Variants in LINC00632 observed in about 807,000 individuals in gnomAD.
The protein encoded by LINC00632 is ALDOA related specific transcript.
At chrX:140,761,485 G>A (rs1487690366) in intron 3 of LINC00632, among the ~76,000 whole-genome samples, 1 of 112,485 alleles carries the variant, frequency 8.9e-6, no homozygotes, top group Non-Finnish European at 1.9e-5. Flanking sequence ...ACCTCTTCTT[G>A]AGAACTCTGT....
At chrX:140,773,514 C>G (rs1307686007) in exon 4 of LINC00632, among the ~76,000 whole-genome samples, 1 of 112,348 alleles carries the variant, frequency 8.9e-6, no homozygotes, top group African/African-American at 3.2e-5. Context: ...TTTACAGATT[C>G]CAAAATTGTT....
chrX:140,744,882 T>G (rs912141710), intron 3 of LINC00632, among the ~76,000 whole-genome samples: 10 of 110,647 alleles, frequency 9.0e-5, no homozygotes, highest in Admixed American at 1.9e-4. Context: ...CGCATCCAGC[T>G]GGACCAGAGC....
chrX:140,751,017 A>G (rs746895119), intron 3 of LINC00632, among the ~76,000 whole-genome samples: 3 of 111,772 alleles, frequency 2.7e-5, no homozygotes, highest in Non-Finnish European at 5.6e-5. Context: ...TTATGCATTC[A>G]TTGGTTGATG....
chrX:140,712,426 T>TTA (rs1484198832), intron 2 of LINC00632, among the ~76,000 whole-genome samples: 1 of 93,583 alleles, frequency 1.1e-5, no homozygotes, highest in African/African-American at 3.9e-5. Context: ...TTTTTTTTTT[T>TTA]ACTCTTCAGA....
rs35880613 is a variant in LINC00632 at position 140,762,209 on chromosome X, AAGAGAG to A, written n.192-9840_192-9835del. ...ATAGCGACCTCGTCAGTTTTTCGAA[AAGAGAG>A]AGAGAGAGAGAGAGAGAGAGAGAGA... On this transcript the variant is annotated intron_variant and non_coding_transcript_variant, in intron 3 of 4. Transcript: ENST00000648200. Among the ~76,000 whole-genome samples the A allele has an allele frequency of 3.2e-3, 215 of 67,106 alleles. 1 individual carries two copies. Among genetic ancestry groups the A allele is most frequent in the African/African-American group, 8.0e-3 (156 of 19,398 alleles). 58.3% of individuals were successfully genotyped at this position (67,106 alleles called of 115,157 possible). A position where few individuals can be genotyped will look rare whatever the true frequency, so the allele number is the denominator to read the frequency against.
chrX:140,743,435 G>C (rs1266758876), intron 3 of LINC00632, among the ~76,000 whole-genome samples: 1 of 109,158 alleles, frequency 9.2e-6, no homozygotes, highest in Non-Finnish European at 1.9e-5. Context: ...TGCAGTAAGA[G>C]AGTTTTTTTA....
intron 3 of LINC00632, among the ~76,000 whole-genome samples, chrX:140,743,547 C>G (rs953910926): frequency 9.1e-6 from 1 of 110,148 alleles, no homozygotes; most frequent in African/African-American, 3.3e-5. Context: ...ACATGAGTTG[C>G]GTGTGAATTT....
intron 3 of LINC00632, among the ~76,000 whole-genome samples, chrX:140,744,044 T>G: frequency 8.9e-6 from 1 of 111,761 alleles, no homozygotes; most frequent in Middle Eastern, 4.6e-3. Context: ...AAGAGGGGTT[T>G]ATTGCATTGT....
intron 3 of LINC00632, among the ~76,000 whole-genome samples, chrX:140,746,040 T>G (rs867139796): frequency 1.9e-4 from 21 of 112,040 alleles, no homozygotes; most frequent in Admixed American, 3.8e-4. Flanking sequence ...AAATATAGCA[T>G]TCTAATTTTT....
intron 3 of LINC00632, among the ~76,000 whole-genome samples, chrX:140,762,242 A>AGAGAGAGAGAGAGAGAGC (rs1286418753): frequency 2.0e-5 from 2 of 99,793 alleles, no homozygotes; most frequent in East Asian, 6.4e-4. Flanking sequence ...AGAGAGAGAG[A>AGAGAGAGAGAGAGAGAGC]GCACTCTTAT....
chrX:140,759,102 T>A (rs1931545757), intron 3 of LINC00632, among the ~76,000 whole-genome samples: 1 of 106,037 alleles, frequency 9.4e-6, no homozygotes, highest in Admixed American at 1.0e-4. Context: ...ATAGCTGGGA[T>A]TACGGGCATG....
At chrX:140,711,504 C>T in intron 1 of LINC00632, 1 of 183,794 alleles carries the variant, frequency 5.4e-6, no homozygotes, top group Non-Finnish European at 1.1e-5. Context: ...TATAGATGTC[C>T]CACTAAATGT....
chrX:140,714,907 A>T (rs754372539), intron 2 of LINC00632: 76 of 110,677 alleles, frequency 6.9e-4, no homozygotes, highest in African/African-American at 2.3e-3. Flanking sequence ...GAGTTCACTC[A>T]TTTGCCCTAA....
At chrX:140,748,835 GAT>G (rs1164087552) in intron 3 of LINC00632, among the ~76,000 whole-genome samples, 1 of 96,843 alleles carries the variant, frequency 1.0e-5, no homozygotes, top group Non-Finnish European at 2.0e-5. Context: ...TTTTATCTAT[GAT>G]ATATATATTT....
chrX:140,726,273 G>A (rs779280896), intron 2 of LINC00632, among the ~76,000 whole-genome samples: 6 of 110,784 alleles, frequency 5.4e-5, no homozygotes, highest in Admixed American at 1.9e-4. Context: ...GCCCCACAAC[G>A]CACGCACATG....
chrX:140,751,285 C>CTT (rs77749131), intron 3 of LINC00632, among the ~76,000 whole-genome samples: 2 of 91,726 alleles, frequency 2.2e-5, no homozygotes, highest in African/African-American at 8.1e-5. Flanking sequence ...ATGCCAACAT[C>CTT]TTTTTTTTTT....
chrX:140,738,680 CAT>C (rs747047395), intron 3 of LINC00632, among the ~76,000 whole-genome samples: 4 of 112,090 alleles, frequency 3.6e-5, no homozygotes, highest in Admixed American at 1.9e-4. Context: ...GGACAGGACA[CAT>C]AAAGTATTTC....
exon 5 of LINC00632, among the ~76,000 whole-genome samples, chrX:140,782,041 T>C (rs914092617): frequency 8.9e-6 from 1 of 112,335 alleles, no homozygotes. Context: ...ACTATGAAGA[T>C]AGCTTCCAAC....
At chrX:140,727,218 G>A (rs950604140) in intron 2 of LINC00632, among the ~76,000 whole-genome samples, 1 of 111,189 alleles carries the variant, frequency 9.0e-6, no homozygotes, top group Non-Finnish European at 1.9e-5. Context: ...TCAACACCTA[G>A]ACCAACTTAC....
Sources: gnomAD v4.1 joint callset for allele counts (sites outside exome capture counted in the v4.1 genomes callset) on GRCh38, gnomAD v4.1.1 for gene constraint, MANE v1.5 for transcripts, NCBI Gene and HGNC (gene_info 2026-07-23, HGNC 2026-07-21) for gene names.